Variants in ENAH observed in about 807,000 individuals in gnomAD.
ENAH encodes the protein protein enabled homolog.
A neutral mutation model predicts 78.7 loss-of-function variants in ENAH; 23 were observed. That is an observed-to-expected ratio of 0.29 (90% CI 0.21 to 0.41). ENAH has a LOEUF of 0.41. Among genes scored for constraint, ENAH ranks in the 10% least tolerant of loss-of-function variants. The probability of loss-of-function intolerance (pLI) is 1.00; values close to 1 mark genes in which losing one functional copy is unlikely to be tolerated. For synonymous variants in ENAH, 226 were observed against 241.0 expected (o/e 0.94, Z 0.58); for missense variants, 544 against 691.0 (o/e 0.79, Z 2.39).
chr1:225,581,855 ATTTT>A (rs35457889), intron 1 of ENAH, among the ~76,000 whole-genome samples: 7 of 143,424 alleles, frequency 4.9e-5, no homozygotes, highest in African/African-American at 7.7e-5. Flanking sequence ...CACCCAGCTA[ATTTT>A]TTTTTTTTTT....
rs1219211503 is a variant in ENAH, at chr1:225,492,082, A to G, written c.*5693T>C. On this transcript the variant is annotated 3_prime_UTR_variant, in exon 14 of 14. Transcript: ENST00000366843. ...TCTATGAAAAGCTATATTCTCTTAGAATTTTTTTTTTTTTTTTTTAGAGAC... is the reference window on the plus strand; with the variant it reads ...TCTATGAAAAGCTATATTCTCTTAGGATTTTTTTTTTTTTTTTTTAGAGAC... 8.3e-5 allele frequency: 8 copies of G among 96,620 alleles called. No individual in the cohort carries two copies. Among genetic ancestry groups the G allele is most frequent in the Non-Finnish European group, 1.4e-4 (7 of 48,962 alleles). The allele number at this position is 96,620 out of a possible 1,614,324, so 6.0% of individuals were successfully genotyped here.
chr1:225,583,867 T>C (rs997572141), intron 1 of ENAH, among the ~76,000 whole-genome samples: 23 of 149,648 alleles, frequency 1.5e-4, no homozygotes, highest in African/African-American at 4.4e-4. Context: ...AAATGGTAAA[T>C]GTAGGCCGGG....
Position 225,567,417 on chromosome 1 carries a change from G to A in ENAH, c.6-3C>T, listed in dbSNP as rs1301447302. On this transcript the variant is annotated splice_region_variant and splice_polypyrimidine_tract_variant and intron_variant, in intron 1 of 13. Coordinates refer to ENST00000366843, the MANE Select transcript of ENAH (RefSeq NM_018212.6). ...TTGCCTGACAGATACTCTGTTCACTGTAAAAAATAAAATAAAATATTCAAA... is the reference window on the plus strand; with the variant it reads ...TTGCCTGACAGATACTCTGTTCACTATAAAAAATAAAATAAAATATTCAAA... The A allele has an allele frequency of 1.3e-6, 2 of 1,594,502 alleles. No individual in the cohort carries two copies. The highest frequency in any genetic ancestry group is 3.6e-5 in the Admixed American group (2 of 56,058).
intron 1 of ENAH, among the ~76,000 whole-genome samples, chr1:225,651,935 G>T (rs1663093661): frequency 6.6e-6 from 1 of 152,170 alleles, no homozygotes; most frequent in Non-Finnish European, 1.5e-5. Flanking sequence ...ATTCTTCGGG[G>T]CCGCAAAAAT....
At chr1:225,606,936 C>T (rs1271885874) in intron 1 of ENAH, among the ~76,000 whole-genome samples, 3 of 151,144 alleles carry the variant, frequency 2.0e-5, no homozygotes, top group East Asian at 1.9e-4. Flanking sequence ...AAAATAACTA[C>T]GTACAGCCCA....
At chr1:225,560,618 A>G (rs538636774) in intron 2 of ENAH, among the ~76,000 whole-genome samples, 4 of 152,340 alleles carry the variant, frequency 2.6e-5, no homozygotes, top group Admixed American at 6.5e-5. Flanking sequence ...CAGCCTCCCA[A>G]ATAGCTGGGA....
At chr1:225,596,819 T>C (rs2096903981) in intron 1 of ENAH, among the ~76,000 whole-genome samples, 1 of 152,244 alleles carries the variant, frequency 6.6e-6, no homozygotes, top group African/African-American at 2.4e-5. Flanking sequence ...TAAAAACTAC[T>C]GTTTATCTGC....
intron 10 of ENAH, among the ~76,000 whole-genome samples, 158 bp from the exon 11 acceptor site, chr1:225,508,175 C>CT (rs1163471771): frequency 6.6e-6 from 1 of 151,998 alleles, no homozygotes; most frequent in African/African-American, 2.4e-5. Flanking sequence ...TGTAAGGACT[C>CT]TAATTTGCAC....
chr1:225,602,179 C>CAG (rs1305343643), intron 1 of ENAH, among the ~76,000 whole-genome samples: 1 of 151,946 alleles, frequency 6.6e-6, no homozygotes, highest in Non-Finnish European at 1.5e-5. Context: ...TGAAAGAAAA[C>CAG]AGGTTGAAAA....
chr1:225,520,475 T>TA (rs2096458593), intron 4 of ENAH, among the ~76,000 whole-genome samples: 1 of 152,100 alleles, frequency 6.6e-6, no homozygotes, highest in South Asian at 2.1e-4. Context: ...TCCCCTTGTG[T>TA]AAAAATACAC....
At chr1:225,581,866 T>C (rs923040186) in intron 1 of ENAH, among the ~76,000 whole-genome samples, 20 of 151,712 alleles carry the variant, frequency 1.3e-4, no homozygotes, top group Admixed American at 2.0e-4. Flanking sequence ...TTTTTTTTTT[T>C]TTTTTTAATT....
intron 4 of ENAH, among the ~76,000 whole-genome samples, chr1:225,523,951 A>C (rs2096487695): frequency 6.6e-6 from 1 of 152,206 alleles, no homozygotes; most frequent in South Asian, 2.1e-4. Context: ...AGAGTGCCTT[A>C]ATTCTGAACC....
At chr1:225,649,287 C>A (rs940289644) in intron 1 of ENAH, among the ~76,000 whole-genome samples, 1 of 151,950 alleles carries the variant, frequency 6.6e-6, no homozygotes, top group Non-Finnish European at 1.5e-5. Context: ...TAGTGGAAGC[C>A]TGGACTATTT....
intron 12 of ENAH, among the ~76,000 whole-genome samples, chr1:225,499,375 A>T (rs776625504): frequency 1.3e-5 from 2 of 152,096 alleles, no homozygotes; most frequent in Non-Finnish European, 2.9e-5. Context: ...GCCCTCCTTC[A>T]AGAACTGCAG....
chr1:225,529,210 T>C (rs1284017578), intron 4 of ENAH, among the ~76,000 whole-genome samples: 1 of 152,200 alleles, frequency 6.6e-6, no homozygotes, highest in Admixed American at 6.5e-5. Context: ...GGTTAAATTC[T>C]TCACAGTAGC....
chr1:225,512,994 C>G lies in ENAH; in HGVS notation c.1241G>C (p.Ser414Thr). Residue 414 changes from serine to threonine, a missense_variant, in exon 8 of 14, where the codon AGT becomes ACT. Physicochemically the swap from Ser to Thr is moderately conservative, Grantham distance 58. This residue lies in a region of ENAH where 366 missense variants were observed against 396.1 expected (regional missense o/e 0.92). Transcript: ENST00000366843. ...GTTCACACCAATAGCATTCCCTCCA[C>G]TTGGGAAAGAGGTATCCTCCATCTT... ...VSRMEDTSFPSGGNAIGVNSA... is the reference protein window; with the variant it reads ...VSRMEDTSFPTGGNAIGVNSA... 5 of 1,613,180 alleles carry G rather than the reference C, an allele frequency of 3.1e-6. No homozygotes were observed. The highest frequency in any genetic ancestry group is 4.2e-6 in the Non-Finnish European group (5 of 1,179,600).
intron 1 of ENAH, among the ~76,000 whole-genome samples, chr1:225,583,907 C>T (rs943331026): frequency 6.6e-6 from 1 of 152,048 alleles, no homozygotes; most frequent in Non-Finnish European, 1.5e-5. Flanking sequence ...AATCCCAGCA[C>T]TTTGGGAGGC....
intron 1 of ENAH, among the ~76,000 whole-genome samples, chr1:225,633,605 T>C (rs537269341): frequency 2.0e-5 from 3 of 152,208 alleles, no homozygotes; most frequent in African/African-American, 4.8e-5. Context: ...GCCAAGTCAC[T>C]TAAGTATCCT....
At chr1:225,626,575 C>T (rs1657991535) in intron 1 of ENAH, among the ~76,000 whole-genome samples, 1 of 152,210 alleles carries the variant, frequency 6.6e-6, no homozygotes, top group South Asian at 2.1e-4. Flanking sequence ...CAACCAAACA[C>T]TGAATCTCTT....
Sources: gnomAD v4.1 joint callset for allele counts (sites outside exome capture counted in the v4.1 genomes callset) on GRCh38, gnomAD v4.1.1 for gene constraint, gnomAD v4.1.1 regional missense constraint, MANE v1.5 for transcripts, NCBI Gene and HGNC (gene_info 2026-07-23, HGNC 2026-07-21) for gene names.